Variants in SAMD12 observed in about 807,000 individuals in gnomAD.
SAMD12 encodes the protein sterile alpha motif domain containing 12, also known as sterile alpha motif domain-containing protein 12.
A neutral mutation model predicts 15.0 loss-of-function variants in SAMD12; 9 were observed. That is an observed-to-expected ratio of 0.60 (90% CI 0.36 to 1.05). The LOEUF is 1.05. SAMD12 is among the 50% of genes least tolerant of loss of function. SAMD12 has a pLI of 0.01. For synonymous variants in SAMD12, 86 were observed against 90.1 expected (o/e 0.96, Z 0.25); for missense variants, 230 against 234.2 (o/e 0.98, Z 0.12).
intron 1 of SAMD12, among the ~76,000 whole-genome samples, chr8:118,615,408 G>T (rs1405157005): frequency 6.6e-6 from 1 of 152,054 alleles, no homozygotes; most frequent in Non-Finnish European, 1.5e-5. Context: ...GCAGGGGAGG[G>T]CCGGGACTGG....
At chr8:118,290,041 C>A (rs1318912861) in intron 4 of SAMD12, among the ~76,000 whole-genome samples, 1 of 152,118 alleles carries the variant, frequency 6.6e-6, no homozygotes, top group Non-Finnish European at 1.5e-5. Context: ...ACTTTTCACA[C>A]TAAAAGACTC....
intron 2 of SAMD12, among the ~76,000 whole-genome samples, chr8:118,546,995 AG>A (rs1826148048): frequency 6.6e-6 from 1 of 152,240 alleles, no homozygotes; most frequent in Non-Finnish European, 1.5e-5. Flanking sequence ...GAAGGACAAA[AG>A]CCATACTGAA....
chr8:118,412,737 A>G (rs1276570902), intron 3 of SAMD12, among the ~76,000 whole-genome samples: 1 of 152,178 alleles, frequency 6.6e-6, no homozygotes, highest in African/African-American at 2.4e-5. Context: ...TTCCTCAGCC[A>G]AATCCTTCCT....
chr8:118,376,190 C>T (rs1165028686), downstream of SAMD12, among the ~76,000 whole-genome samples: 2 of 152,160 alleles, frequency 1.3e-5, no homozygotes, highest in African/African-American at 4.8e-5. Context: ...AAATTCCTTT[C>T]CTCAAAAATG....
chr8:118,181,465 C>A, the SAMD12 span, among the ~76,000 whole-genome samples: 2 of 152,110 alleles, frequency 1.3e-5, no homozygotes, highest in Non-Finnish European at 2.9e-5. Context: ...ACAGGGCAGC[C>A]AATTAGAGAG....
At chr8:118,515,537 G>C (rs6469752) in intron 2 of SAMD12, among the ~76,000 whole-genome samples, 1 of 151,766 alleles carries the variant, frequency 6.6e-6, no homozygotes, top group Non-Finnish European at 1.5e-5. Flanking sequence ...GCTTACATCA[G>C]ATCAGAGTAG....
At chr8:118,224,057 G>A (rs1159862178) in intron 4 of SAMD12, among the ~76,000 whole-genome samples, 1 of 152,194 alleles carries the variant, frequency 6.6e-6, no homozygotes, top group African/African-American at 2.4e-5. Flanking sequence ...TGTGTTCATA[G>A]AACTCAGATT....
chr8:118,429,561 C>G (rs1341565737), intron 3 of SAMD12, among the ~76,000 whole-genome samples: 1 of 151,924 alleles, frequency 6.6e-6, no homozygotes. Flanking sequence ...CTTTTTCTTG[C>G]TTTATTTCAC....
chr8:118,435,323 AGTTCTTGTTAATCTC>A (rs1188844622), intron 3 of SAMD12, among the ~76,000 whole-genome samples: 1 of 152,188 alleles, frequency 6.6e-6, no homozygotes, highest in African/African-American at 2.4e-5. Context: ...TTTTATCATT[AGTTCTTGTTAATCTC>A]TTACTGAACC....
intron 3 of SAMD12, among the ~76,000 whole-genome samples, chr8:118,423,394 T>C (rs1263233499): frequency 6.6e-6 from 1 of 151,930 alleles, no homozygotes; most frequent in Admixed American, 6.6e-5. Context: ...TCACAGGACG[T>C]TATATTTTCT....
At chr8:118,343,284 T>G (rs1191170150) in intron 4 of SAMD12, among the ~76,000 whole-genome samples, 1 of 152,078 alleles carries the variant, frequency 6.6e-6, no homozygotes, top group Non-Finnish European at 1.5e-5. Flanking sequence ...CAGGGATCTC[T>G]TTCTCTTCCT....
intron 2 of SAMD12, among the ~76,000 whole-genome samples, chr8:118,500,004 C>T (rs571561110): frequency 1.9e-4 from 27 of 143,534 alleles, no homozygotes; most frequent in Admixed American, 1.2e-3. Flanking sequence ...GTGATCTGTA[C>T]GGTCCCCCCA....
chr8:118,247,409 G>A (rs1730879090), intron 4 of SAMD12, among the ~76,000 whole-genome samples: 1 of 151,910 alleles, frequency 6.6e-6, no homozygotes, highest in Admixed American at 6.6e-5. Context: ...CTAAAAGAAT[G>A]GATTTTAAAT....
At chr8:118,208,648 C>A (rs577415388) in intron 4 of SAMD12, among the ~76,000 whole-genome samples, 1 of 152,334 alleles carries the variant, frequency 6.6e-6, no homozygotes, top group Non-Finnish European at 1.5e-5. Context: ...GGCTACTGAG[C>A]ACTTGAAATG....
intron 2 of SAMD12, among the ~76,000 whole-genome samples, chr8:118,506,529 G>T (rs1824925200): frequency 6.6e-6 from 1 of 152,004 alleles, no homozygotes; most frequent in South Asian, 2.1e-4. Flanking sequence ...TATGTCAACA[G>T]TGTTTATGAG....
chr8:118,232,003 G>A (rs1812320151), intron 4 of SAMD12, among the ~76,000 whole-genome samples: 1 of 152,008 alleles, frequency 6.6e-6, no homozygotes, highest in Non-Finnish European at 1.5e-5. Context: ...TATTGATGAT[G>A]GCAGAAGTTC....
intron 2 of SAMD12, among the ~76,000 whole-genome samples, chr8:118,457,185 G>A (rs1823280753): frequency 6.7e-6 from 1 of 150,226 alleles, no homozygotes; most frequent in South Asian, 2.1e-4. Context: ...TGGTACAGCT[G>A]CCACTTCCAC....
At chr8:118,132,970 GTGTATA>G in the SAMD12 span, among the ~76,000 whole-genome samples, 314 of 67,234 alleles carry the variant, frequency 4.7e-3, 1 homozygote, top group Non-Finnish European at 5.8e-3. Context: ...ATGTGTGTGT[GTGTATA>G]TATATATATA....
intron 4 of SAMD12, among the ~76,000 whole-genome samples, chr8:118,213,723 C>A (rs945829060): frequency 6.6e-6 from 1 of 152,126 alleles, no homozygotes; most frequent in African/African-American, 2.4e-5. Context: ...TCCCAAAGAG[C>A]AGAACCTGGA....
Sources: gnomAD v4.1 joint callset for allele counts (sites outside exome capture counted in the v4.1 genomes callset) on GRCh38, gnomAD v4.1.1 for gene constraint, MANE v1.5 for transcripts, NCBI Gene and HGNC (gene_info 2026-07-23, HGNC 2026-07-21) for gene names.